The following TRDN variants were observed in gnomAD, a reference collection of about 807,000 sequenced individuals.
TRDN encodes the protein triadin in skeletal muscle.
In TRDN, 161 loss-of-function variants were observed where a neutral mutation model predicts 149.7. The ratio of observed to expected loss-of-function variants is 1.08; its 90% CI spans 0.95 to 1.23. TRDN has a LOEUF of 1.23. TRDN is among the 50% of genes most tolerant of loss of function. The pLI is 0.00. For missense variants in TRDN, 896 were observed against 823.5 expected, an observed-to-expected ratio of 1.09 and a Z score of -1.08; for synonymous variants, 294 against 250.5, an observed-to-expected ratio of 1.17 and a Z score of -1.64.
intron 33 of TRDN, among the ~76,000 whole-genome samples, chr6:123,263,440 A>C (rs1776839917): frequency 6.6e-6 from 1 of 152,100 alleles, no homozygotes; most frequent in Non-Finnish European, 1.5e-5. Flanking sequence ...ATGCCGATAC[A>C]GAAGCTGCAG....
At chr6:123,370,320 T>C (rs1276157041) in intron 19 of TRDN, among the ~76,000 whole-genome samples, 1 of 152,048 alleles carries the variant, frequency 6.6e-6, no homozygotes, top group East Asian at 1.9e-4. Flanking sequence ...TAATTTTATA[T>C]AAATTAAATT....
At chr6:123,567,818 T>G (rs940659276) in intron 2 of TRDN, among the ~76,000 whole-genome samples, 1 of 152,170 alleles carries the variant, frequency 6.6e-6, no homozygotes, top group Non-Finnish European at 1.5e-5. Context: ...TGAGATTATA[T>G]GGGACACATA....
intron 24 of TRDN, among the ~76,000 whole-genome samples, chr6:123,291,389 C>G (rs895168010): frequency 6.6e-6 from 1 of 151,808 alleles, no homozygotes; most frequent in Non-Finnish European, 1.5e-5. Context: ...ACGGTGAAAC[C>G]CTGTCTCTAC....
chr6:123,368,398 T>C (rs1781196646), intron 19 of TRDN, among the ~76,000 whole-genome samples: 1 of 152,192 alleles, frequency 6.6e-6, no homozygotes, highest in Non-Finnish European at 1.5e-5. Context: ...TTATTAAGAA[T>C]CATTCTTAAC....
intron 38 of TRDN, among the ~76,000 whole-genome samples, chr6:123,251,617 G>A (rs753912548): frequency 2.6e-5 from 4 of 151,522 alleles, no homozygotes; most frequent in Non-Finnish European, 4.4e-5. Context: ...TTACATATAT[G>A]TAATTAAAAT....
At chr6:123,631,244 T>TAGTC (rs1562143668) in intron 1 of TRDN, among the ~76,000 whole-genome samples, 1 of 151,918 alleles carries the variant, frequency 6.6e-6, no homozygotes, top group Admixed American at 6.6e-5. Context: ...TTCAAAGAGA[T>TAGTC]AGTCATACAA....
chr6:123,552,886 C>A (rs1411267291), intron 2 of TRDN, among the ~76,000 whole-genome samples: 4 of 152,128 alleles, frequency 2.6e-5, no homozygotes, highest in Non-Finnish European at 5.9e-5. Context: ...CAAATCAAGA[C>A]CTCAACTTTC....
intron 29 of TRDN, 135 bp downstream of exon 29, chr6:123,272,829 G>A (rs1777247766): frequency 3.0e-6 from 2 of 660,938 alleles, no homozygotes; most frequent in African/African-American, 3.9e-5. Context: ...ACTAAAATTG[G>A]AGATGGTCTA....
intron 5 of TRDN, among the ~76,000 whole-genome samples, chr6:123,519,473 G>GTT (rs762378636): frequency 6.2e-4 from 46 of 73,980 alleles, no homozygotes; most frequent in African/African-American, 1.6e-3. Context: ...TGACCCTGTG[G>GTT]TTTTTTTTTT....
intron 9 of TRDN, among the ~76,000 whole-genome samples, chr6:123,485,499 G>A (rs1462940105): frequency 6.6e-6 from 1 of 152,008 alleles, no homozygotes; most frequent in Non-Finnish European, 1.5e-5. Flanking sequence ...GAGATTTAAA[G>A]ACAAATATTT....
chr6:123,497,926 A>C (rs530796198), intron 8 of TRDN, among the ~76,000 whole-genome samples: 3 of 152,186 alleles, frequency 2.0e-5, no homozygotes, highest in Admixed American at 6.5e-5. Flanking sequence ...ACAAACAAAC[A>C]AAAAAAACAT....
chr6:123,316,010 G>A (rs1258058795), intron 24 of TRDN, among the ~76,000 whole-genome samples: 1 of 151,956 alleles, frequency 6.6e-6, no homozygotes, highest in Non-Finnish European at 1.5e-5. Flanking sequence ...GTTGAACCAT[G>A]TGGGACTCCT....
At chr6:123,314,456 T>C (rs1476595038) in intron 24 of TRDN, among the ~76,000 whole-genome samples, 3 of 151,574 alleles carry the variant, frequency 2.0e-5, no homozygotes, top group Admixed American at 1.3e-4. Flanking sequence ...CAAAGACCAG[T>C]GTGGCATACC....
At chr6:123,417,568 T>TG (rs1357821994) in intron 12 of TRDN, among the ~76,000 whole-genome samples, 4 of 152,170 alleles carry the variant, frequency 2.6e-5, no homozygotes, top group African/African-American at 9.7e-5. Context: ...GGTCAGCCAA[T>TG]GAGAAGAGAA....
chr6:123,226,405 A>G lies in TRDN; in HGVS notation c.1976-2274T>C, dbSNP rs1256652841. Among the ~76,000 whole-genome samples, 5 of 151,892 alleles carry G rather than the reference A, an allele frequency of 3.3e-5. No individual in the cohort carries two copies. In the East Asian group the frequency reaches 9.7e-4, roughly 29 times the overall value. On this transcript the variant is annotated intron_variant, in intron 38 of 40. Transcript: ENST00000334268. ...AAGTCCGTGTCCAAAAGGAACATAT[A>G]TTTTATTTTTGTAGATTATAGCACA...
intron 5 of TRDN, among the ~76,000 whole-genome samples, chr6:123,519,293 T>C (rs909561324): frequency 6.6e-6 from 1 of 151,846 alleles, no homozygotes; most frequent in African/African-American, 2.4e-5. Flanking sequence ...ACTCTGACCT[T>C]TCCCTGACCA....
chr6:123,523,264 A>G (rs972011621), intron 5 of TRDN, among the ~76,000 whole-genome samples: 1 of 152,108 alleles, frequency 6.6e-6, no homozygotes, highest in Non-Finnish European at 1.5e-5. Context: ...GTGCACAGTT[A>G]TGAGACAGTG....
intron 9 of TRDN, among the ~76,000 whole-genome samples, chr6:123,474,389 A>G (rs1249657744): frequency 6.6e-6 from 1 of 152,190 alleles, no homozygotes; most frequent in East Asian, 1.9e-4. Flanking sequence ...TCCTAAATAT[A>G]TATGCACCCA....
At chr6:123,331,024 A>G (rs1276446740) in intron 23 of TRDN, among the ~76,000 whole-genome samples, 1 of 152,096 alleles carries the variant, frequency 6.6e-6, no homozygotes, top group East Asian at 1.9e-4. Context: ...AACATTCACA[A>G]TAGTAAGTAC....
Sources: allele counts gnomAD v4.1 joint callset (sites outside exome capture counted in the v4.1 genomes callset), GRCh38; gene constraint gnomAD v4.1.1; transcripts MANE v1.5; gene names NCBI Gene and HGNC (gene_info 2026-07-23, HGNC 2026-07-21).